KCNH1: variants seen among roughly 807,000 people sequenced by gnomAD.
KCNH1 encodes potassium voltage-gated channel subfamily H member 1, also known as voltage-gated delayed rectifier potassium channel KCNH1.
Under a neutral mutation model 69.2 loss-of-function variants are expected in KCNH1, and 27 were observed. That is an observed-to-expected ratio of 0.39 (90% confidence interval 0.29 to 0.54). KCNH1 has a LOEUF of 0.54. Ranked by LOEUF, KCNH1 falls within the 20% of genes least tolerant of loss-of-function variation. The probability of loss-of-function intolerance (pLI) is 0.68; values close to 1 mark genes in which losing one functional copy is unlikely to be tolerated. For synonymous variants in KCNH1, 456 were observed against 487.7 expected (o/e 0.93, Z 0.86); for missense variants, 798 against 1,261.6 (o/e 0.63, Z 5.57).
rs528686247 is a variant in KCNH1, at chr1:210,969,435, C to T, written c.1032+49348G>A. On this transcript the variant is annotated intron_variant, in intron 6 of 10. Coordinates refer to ENST00000271751, the MANE Select transcript of KCNH1 (RefSeq NM_172362.3). Reference sequence around the variant, plus strand: ...AATCACCTGGTACTTACATTTTCTTCATTAGAAGTTATATGCCACTTCAAT... The same window carrying T: ...AATCACCTGGTACTTACATTTTCTTTATTAGAAGTTATATGCCACTTCAAT... Among the ~76,000 whole-genome samples the T allele has an allele frequency of 2.0e-5, 3 of 152,140 alleles. No individual in the cohort carries two copies. In the South Asian group the frequency reaches 6.2e-4, roughly 32 times the overall value.
At chr1:210,916,532 A>C (rs1687335857) in intron 7 of KCNH1, among the ~76,000 whole-genome samples, 1 of 152,134 alleles carries the variant, frequency 6.6e-6, no homozygotes, top group South Asian at 2.1e-4. Context: ...AAGTGTGGAG[A>C]GACTGTTGGG....
At chr1:211,059,396 A>G (rs145722255) in intron 5 of KCNH1, among the ~76,000 whole-genome samples, 1 of 152,200 alleles carries the variant, frequency 6.6e-6, no homozygotes, top group African/African-American at 2.4e-5. Flanking sequence ...TATGCACCCA[A>G]TGGTAGTGCA....
At chr1:210,894,302 G>C (rs1686813722) in intron 7 of KCNH1, among the ~76,000 whole-genome samples, 1 of 152,034 alleles carries the variant, frequency 6.6e-6, no homozygotes, top group Non-Finnish European at 1.5e-5. Flanking sequence ...TTTAGTCTAG[G>C]GACAATTATT....
chr1:210,981,535 T>C (rs1032504001), intron 6 of KCNH1, among the ~76,000 whole-genome samples: 1 of 152,002 alleles, frequency 6.6e-6, no homozygotes, highest in African/African-American at 2.4e-5. Context: ...ATAGAGAAAA[T>C]TTTTTCATGT....
intron 9 of KCNH1, among the ~76,000 whole-genome samples, chr1:210,794,603 T>C (rs1684271576): frequency 6.6e-6 from 1 of 152,162 alleles, no homozygotes; most frequent in Non-Finnish European, 1.5e-5. Context: ...CTGTTTGTCT[T>C]CCCCACCCCT....
intron 9 of KCNH1, among the ~76,000 whole-genome samples, chr1:210,782,903 G>A (rs1220933454): frequency 6.6e-6 from 1 of 152,214 alleles, no homozygotes; most frequent in Non-Finnish European, 1.5e-5. Flanking sequence ...ATCCAGAACT[G>A]TGAGGAATAA....
At chr1:211,020,220 A>T (rs2102414863) in intron 5 of KCNH1, among the ~76,000 whole-genome samples, 1 of 152,140 alleles carries the variant, frequency 6.6e-6, no homozygotes, top group East Asian at 1.9e-4. Context: ...CTGGGTTTTT[A>T]AAAACATAAT....
chr1:210,755,880 A>C (rs1471313917), intron 10 of KCNH1, among the ~76,000 whole-genome samples: 1 of 152,232 alleles, frequency 6.6e-6, no homozygotes. Context: ...ATTATCAGAG[A>C]AAAGCAGCAC....
intron 1 of KCNH1, among the ~76,000 whole-genome samples, chr1:211,107,718 A>ACC (rs1691383611): frequency 6.6e-6 from 1 of 152,188 alleles, no homozygotes; most frequent in African/African-American, 2.4e-5. Context: ...GTATACCAAT[A>ACC]TTACAGAGCA....
chr1:211,034,624 T>C (rs1689860911), intron 5 of KCNH1, among the ~76,000 whole-genome samples: 1 of 152,342 alleles, frequency 6.6e-6, no homozygotes, highest in African/African-American at 2.4e-5. Flanking sequence ...TACAACTCTA[T>C]ATGAATCTAG....
At chr1:211,128,619 G>A (rs1041638836) in intron 1 of KCNH1, among the ~76,000 whole-genome samples, 1 of 152,098 alleles carries the variant, frequency 6.6e-6, no homozygotes, top group African/African-American at 2.4e-5. Context: ...AGGTGGCGAT[G>A]GCATACAGTA....
chr1:210,998,756 T>C (rs1057496189), intron 6 of KCNH1, among the ~76,000 whole-genome samples: 2 of 152,194 alleles, frequency 1.3e-5, no homozygotes, highest in Non-Finnish European at 2.9e-5. Flanking sequence ...GACCACATAG[T>C]GGGAAGTAAA....
At chr1:210,896,732 A>G (rs2102529784) in intron 7 of KCNH1, among the ~76,000 whole-genome samples, 1 of 152,316 alleles carries the variant, frequency 6.6e-6, no homozygotes, top group Non-Finnish European at 1.5e-5. Flanking sequence ...AATCTGATAC[A>G]CAAAGAAAGA....
intron 6 of KCNH1, among the ~76,000 whole-genome samples, chr1:211,017,914 G>A (rs1259040395): frequency 6.6e-6 from 1 of 152,254 alleles, no homozygotes; most frequent in East Asian, 1.9e-4. Flanking sequence ...GGAGGTGTTT[G>A]GGTCATGGGG....
At position 210,838,315 on chromosome 1, in the gene KCNH1, C is replaced by G. The variant is rs550057163; in HGVS notation, c.1463-34149G>C. On this transcript the variant is annotated intron_variant, in intron 7 of 10. Transcript: ENST00000271751. ...TATGCAGAAAATTAAAACTGGACCCCTTCCTTACACCTTACATAAAAATCA... is the reference window on the plus strand; with the variant it reads ...TATGCAGAAAATTAAAACTGGACCCGTTCCTTACACCTTACATAAAAATCA... Among the ~76,000 whole-genome samples the G allele has an allele frequency of 4.6e-5, 7 of 152,238 alleles. No homozygotes were observed. The South Asian group carries it at 1.5e-3, about 32-fold the overall frequency.
chr1:210,960,708 C>T (rs952087025), intron 6 of KCNH1, among the ~76,000 whole-genome samples: 2 of 152,078 alleles, frequency 1.3e-5, no homozygotes, highest in African/African-American at 4.8e-5. Flanking sequence ...TATAAAGCTG[C>T]TATGAAGATC....
intron 5 of KCNH1, among the ~76,000 whole-genome samples, chr1:211,024,342 T>G (rs1689645229): frequency 1.3e-5 from 2 of 152,188 alleles, no homozygotes; most frequent in Non-Finnish European, 2.9e-5. Context: ...CATTTAAGTT[T>G]GTATGGAAAA....
At chr1:211,022,031 A>G (rs1306904499) in intron 5 of KCNH1, among the ~76,000 whole-genome samples, 1 of 152,188 alleles carries the variant, frequency 6.6e-6, no homozygotes, top group Non-Finnish European at 1.5e-5. Flanking sequence ...TATCCTGAGC[A>G]AAAAGAACAA....
At chr1:210,701,518 A>C (rs1390657033) in intron 10 of KCNH1, among the ~76,000 whole-genome samples, 1 of 152,224 alleles carries the variant, frequency 6.6e-6, no homozygotes, top group African/African-American at 2.4e-5. Context: ...TTGGGATCAG[A>C]CAGCCTTGGC....
Sources: allele counts gnomAD v4.1 joint callset (sites outside exome capture counted in the v4.1 genomes callset), GRCh38; gene constraint gnomAD v4.1.1; transcripts MANE v1.5; gene names NCBI Gene and HGNC (gene_info 2026-07-23, HGNC 2026-07-21).